Variants in MEGF6 observed in about 807,000 individuals in gnomAD.
MEGF6 encodes the protein multiple EGF like domains 6, also known as multiple epidermal growth factor-like domains protein 6.
Under a neutral mutation model 207.1 loss-of-function variants are expected in MEGF6, and 184 were observed. That is an observed-to-expected ratio of 0.89 (90% CI 0.79 to 1.00). MEGF6 has a LOEUF of 1.00. MEGF6 is among the 50% of genes least tolerant of loss of function. MEGF6 has a pLI of 0.00. For synonymous variants in MEGF6, 1,038 were observed against 910.0 expected (o/e 1.14, Z -2.53); for missense variants, 2,282 against 2,202.9 (o/e 1.04, Z -0.72).
intron 2 of MEGF6, among the ~76,000 whole-genome samples, chr1:3,598,383 C>T (rs561033789): frequency 6.6e-5 from 10 of 152,358 alleles, no homozygotes; most frequent in Non-Finnish European, 1.2e-4. Context: ...GCTCTGGGAG[C>T]GCCTTGCAAA....
intron 4 of MEGF6, among the ~76,000 whole-genome samples, chr1:3,561,311 G>C (rs1643193900): frequency 6.6e-6 from 1 of 152,190 alleles, no homozygotes; most frequent in Non-Finnish European, 1.5e-5. Flanking sequence ...ACCCAAGCTG[G>C]AGAGGGACTC....
chr1:3,593,101 C>G (rs1027839572), intron 3 of MEGF6, among the ~76,000 whole-genome samples: 1 of 152,196 alleles, frequency 6.6e-6, no homozygotes, highest in Non-Finnish European at 1.5e-5. Flanking sequence ...AGTGCCTGGC[C>G]ACAGCACAGG....
At chr1:3,592,884 A>AG (rs1232227331) in intron 3 of MEGF6, among the ~76,000 whole-genome samples, 3 of 152,232 alleles carry the variant, frequency 2.0e-5, no homozygotes, top group African/African-American at 7.2e-5. Context: ...GCTCAAGTCC[A>AG]GGATCTGTGT....
intron 5 of MEGF6, among the ~76,000 whole-genome samples, chr1:3,516,437 G>C (rs1365568784): frequency 6.6e-6 from 1 of 152,180 alleles, no homozygotes; most frequent in African/African-American, 2.4e-5. Context: ...CCGGGCAGGG[G>C]AGGCCGTCTG....
At chr1:3,508,127 A>G (rs999820281) in intron 13 of MEGF6, among the ~76,000 whole-genome samples, 11 of 152,030 alleles carry the variant, frequency 7.2e-5, no homozygotes, top group Non-Finnish European at 1.3e-4. Context: ...CAGAGAGAGG[A>G]GTCTCCTCCT....
rs369954060 is a variant in MEGF6, at chr1:3,573,736, C to T, written c.481+6089G>A. On this transcript the variant is annotated intron_variant, in intron 4 of 36. Coordinates refer to ENST00000356575, the MANE Select transcript of MEGF6 (RefSeq NM_001409.4). The surrounding 1 kb of genome is among the most constrained non-coding windows in gnomAD (Gnocchi z 5.1). ...GGGGCACAGAGTCTGAGTCTGGCAGCGGCAGCTCCCAGGCCTGGCCGTGGC... is the reference window on the plus strand; with the variant it reads ...GGGGCACAGAGTCTGAGTCTGGCAGTGGCAGCTCCCAGGCCTGGCCGTGGC... Among the ~76,000 whole-genome samples, 124 of 152,324 alleles carry T rather than the reference C, an allele frequency of 8.1e-4. 1 individual carries two copies. Among genetic ancestry groups the T allele is most frequent in the African/African-American group, 2.7e-3 (112 of 41,584 alleles).
intron 36 of MEGF6, 109 bp downstream of exon 36, chr1:3,490,803 G>A (rs2487667): frequency 0.071 from 98,483 of 1,381,742 alleles, 4,359 homozygotes; most frequent in Admixed American, 0.18. Context: ...CCAAGGCCCC[G>A]GGTGCAGCTG....
At position 3,560,117 on chromosome 1, in the gene MEGF6, G is replaced by A. The variant is rs527908883; in HGVS notation, c.481+19708C>T. Among the ~76,000 whole-genome samples, 7 of 150,706 alleles carry A rather than the reference G, an allele frequency of 4.6e-5. No homozygotes were observed. The highest frequency in any genetic ancestry group is 8.9e-5 in the Non-Finnish European group (6 of 67,740). ...GGGCCTGGCAAGGTTAGTCCCAGAG[G>A]GCAAAGAAGGCTGGGCTTTTTTTTT... is the stretch of plus-strand genomic sequence containing the variant. On this transcript the variant is annotated intron_variant, in intron 4 of 36. Coordinates refer to ENST00000356575, the MANE Select transcript of MEGF6 (RefSeq NM_001409.4). This position sits in a 1 kb window ranked among gnomAD's most constrained non-coding sequence, Gnocchi z 4.0.
At chr1:3,522,875 G>A (rs914563952) in intron 5 of MEGF6, among the ~76,000 whole-genome samples, 2 of 152,186 alleles carry the variant, frequency 1.3e-5, no homozygotes, top group African/African-American at 4.8e-5. Flanking sequence ...GGGGGCCTGA[G>A]GGGACCAGGG....
At chr1:3,618,430 C>T in the MEGF6 span, among the ~76,000 whole-genome samples, 3 of 152,130 alleles carry the variant, frequency 2.0e-5, no homozygotes, top group Non-Finnish European at 2.9e-5. The surrounding 1 kb of genome is among the most constrained non-coding windows in gnomAD (Gnocchi z 4.7). Flanking sequence ...ACCCTGGGCC[C>T]CACACGGCGA....
Position 3,579,808 on chromosome 1 carries a change from C to CTT in MEGF6, c.481+16_481+17insAA. 1 of 1,465,556 alleles carries CTT rather than the reference C, an allele frequency of 6.8e-7. No homozygotes were observed. The highest frequency in any genetic ancestry group is 1.5e-5 in the South Asian group (1 of 68,746). The allele number at this position is 1,465,556 out of a possible 1,614,324, so 90.8% of individuals were successfully genotyped here. A position where few individuals can be genotyped will look rare whatever the true frequency, so the allele number is the denominator to read the frequency against. ...TGGCCATGGCCAGGGCCTTGGTCCC[C>CTT]CAGGGGCTCCACTCACCATACTGAC... On this transcript the variant is annotated intron_variant, in intron 4 of 36. Coordinates refer to ENST00000356575, the MANE Select transcript of MEGF6 (RefSeq NM_001409.4).
intron 23 of MEGF6, 138 bp downstream of exon 23, chr1:3,499,450 C>T (rs772228803): frequency 6.3e-6 from 9 of 1,422,472 alleles, no homozygotes; most frequent in Non-Finnish European, 6.6e-6. Context: ...CGCTCTGGCC[C>T]GAGTGAGCAA....
In MEGF6 at chr1:3,496,409, C is replaced by T. The variant is rs191843627; in HGVS notation, c.3742+246G>A. ...AGCCCCTGGCAGACATGGCGCAGGT[C>T]GCCGGGCACAGCAGGTGCAGGGGCA... On this transcript the variant is annotated intron_variant, in intron 29 of 36. Transcript: ENST00000356575. 1.3e-4 allele frequency among the ~76,000 whole-genome samples: 20 copies of T among 152,372 alleles called. No homozygotes were observed. In the East Asian group the frequency reaches 2.1e-3, roughly 16 times the overall value.
At chr1:3,524,381 C>T in intron 4 of MEGF6, 135 bp from the exon 5 acceptor site, 1 of 1,118,262 alleles carries the variant, frequency 8.9e-7, no homozygotes, top group Non-Finnish European at 1.3e-6. Context: ...AGCCCCTCAC[C>T]CACATCTGCC....
chr1:3,544,563 C>T (rs922629765), intron 4 of MEGF6, among the ~76,000 whole-genome samples: 4 of 152,142 alleles, frequency 2.6e-5, no homozygotes, highest in African/African-American at 4.8e-5. Flanking sequence ...GAACAGGCCC[C>T]GACACCAGCA....
At chr1:3,494,210 AG>A (rs1640501486) in intron 32 of MEGF6, 86 bp from the exon 33 acceptor site, 3 of 1,497,384 alleles carry the variant, frequency 2.0e-6, no homozygotes, top group Admixed American at 4.6e-5. Context: ...CCGCCAATCC[AG>A]GGGCCCGAGA....
chr1:3,591,301 G>C lies in MEGF6; in HGVS notation c.376+4037C>G, dbSNP rs896691875. ...GAGATATCCCAGAACCACCGAGCAG[G>C]GGGTAAGGCCCTGGGCTCGGTCCCC... On this transcript the variant is annotated intron_variant, in intron 3 of 36. Coordinates refer to ENST00000356575, the MANE Select transcript of MEGF6 (RefSeq NM_001409.4). Among the ~76,000 whole-genome samples, 4 of 152,164 alleles carry C rather than the reference G, an allele frequency of 2.6e-5. No individual in the cohort carries two copies. The South Asian group carries it at 6.2e-4, about 24-fold the overall frequency.
intron 4 of MEGF6, among the ~76,000 whole-genome samples, chr1:3,574,883 T>C (rs1178081962): frequency 1.3e-5 from 2 of 152,174 alleles, no homozygotes; most frequent in Non-Finnish European, 2.9e-5. Flanking sequence ...GCTCAAGTGA[T>C]ACACGTGCCT....
chr1:3,511,876 A>G, intron 8 of MEGF6, 130 bp downstream of exon 8: 1 of 1,487,268 alleles, frequency 6.7e-7, no homozygotes, highest in African/African-American at 1.4e-5. Flanking sequence ...CTGCTCACCA[A>G]GGGCTCACAC....
Sources: allele counts gnomAD v4.1 joint callset (sites outside exome capture counted in the v4.1 genomes callset), GRCh38; gene constraint gnomAD v4.1.1; non-coding constraint Gnocchi (gnomAD v3.1); transcripts MANE v1.5; gene names NCBI Gene and HGNC (gene_info 2026-07-23, HGNC 2026-07-21).